ADAM12: variants seen among roughly 807,000 people sequenced by gnomAD.
ADAM12 encodes the protein disintegrin and metalloproteinase domain-containing protein 12.
Under a neutral mutation model 106.4 loss-of-function variants are expected in ADAM12, and 70 were observed. The ratio of observed to expected loss-of-function variants is 0.66; its 90% CI spans 0.54 to 0.80. The LOEUF (loss-of-function observed/expected upper bound fraction) is 0.80. ADAM12 is among the 30% of genes least tolerant of loss of function. ADAM12 has a pLI of 0.00. For missense variants in ADAM12, 1,010 were observed against 1,171.9 expected, an observed-to-expected ratio of 0.86 and a Z score of 2.02; for synonymous variants, 420 against 433.5, an observed-to-expected ratio of 0.97 and a Z score of 0.39.
intron 3 of ADAM12, among the ~76,000 whole-genome samples, chr10:126,268,047 A>G: frequency 6.6e-6 from 1 of 151,758 alleles, no homozygotes; most frequent in Non-Finnish European, 1.5e-5. Flanking sequence ...ATTTTGTACA[A>G]CCATCACTGA....
At chr10:126,226,643 T>C (rs1171571730) in intron 3 of ADAM12, among the ~76,000 whole-genome samples, 1 of 152,242 alleles carries the variant, frequency 6.6e-6, no homozygotes, top group Non-Finnish European at 1.5e-5. Context: ...TTCAAGTTTG[T>C]TGTGAAGGCT....
chr10:126,349,733 C>T (rs1292077217), intron 1 of ADAM12, among the ~76,000 whole-genome samples: 1 of 152,186 alleles, frequency 6.6e-6, no homozygotes, highest in Non-Finnish European at 1.5e-5. Flanking sequence ...CCCTTACAGC[C>T]TCAACAATCC....
chr10:126,309,548 C>T (rs939768494), intron 2 of ADAM12, among the ~76,000 whole-genome samples: 1 of 152,168 alleles, frequency 6.6e-6, no homozygotes, highest in African/African-American at 2.4e-5. Flanking sequence ...CTCAGCCAGA[C>T]TTCATTCCAA....
chr10:126,208,341 C>T (rs1463316941), intron 3 of ADAM12, among the ~76,000 whole-genome samples: 1 of 152,040 alleles, frequency 6.6e-6, no homozygotes. Context: ...CAGTGCAGCC[C>T]CCAGCAACAA....
intron 4 of ADAM12, among the ~76,000 whole-genome samples, chr10:126,151,537 C>A (rs1431745882): frequency 6.6e-6 from 1 of 152,074 alleles, no homozygotes; most frequent in African/African-American, 2.4e-5. Context: ...GCAACTACGT[C>A]CATAATTGAA....
chr10:126,100,478 C>T lies in ADAM12; in HGVS notation c.911+594G>A, dbSNP rs867510621. The stretch of plus-strand genomic sequence containing the variant: ...CAGCACTTTGGGAGGCCGAGGTGGG[C>T]GGATCATGAGGTCAGGAGATTGAGA... On this transcript the variant is annotated intron_variant, in intron 9 of 22. Coordinates refer to ENST00000448723, the MANE Select transcript of ADAM12 (RefSeq NM_001288973.2). Among the ~76,000 whole-genome samples the T allele has an allele frequency of 4.5e-3, 666 of 148,586 alleles. 2 individuals carry two copies. Among genetic ancestry groups the T allele is most frequent in the African/African-American group, 0.016 (623 of 40,002 alleles).
chr10:126,119,147 C>A (rs1164685634), intron 5 of ADAM12, among the ~76,000 whole-genome samples: 1 of 152,138 alleles, frequency 6.6e-6, no homozygotes, highest in Non-Finnish European at 1.5e-5. Flanking sequence ...TGAGGTCCGG[C>A]CTCTGGATCC....
In ADAM12 at chr10:126,071,521, T is replaced by C. The variant is rs1239206324; in HGVS notation, c.1279A>G (p.Arg427Gly). The C allele has an allele frequency of 1.9e-6, 3 of 1,614,026 alleles. No individual in the cohort carries two copies. Among genetic ancestry groups the C allele is most frequent in the Non-Finnish European group, 2.5e-6 (3 of 1,180,034 alleles). ...ESFGGQKCGN[R>G]FVEEGEECDC... ...CACTCCTCTCCTTCTTCCACAAATC[T>C]GTTCCCACACTTCTGGCCCCCGAAA... Residue 427 changes from arginine (R) to glycine (G), a missense_variant, in exon 12 of 23, where the codon AGA becomes GGA. This residue lies in a region of ADAM12 where 615 missense variants were observed against 708.5 expected (regional missense o/e 0.87). Transcript: ENST00000448723.
intron 3 of ADAM12, among the ~76,000 whole-genome samples, chr10:126,186,110 C>T (rs1449318650): frequency 7.2e-5 from 11 of 152,092 alleles, no homozygotes; most frequent in African/African-American, 2.2e-4. Flanking sequence ...CAAGGGTGCC[C>T]GTTAGCAGGA....
At chr10:126,232,202 G>A (rs560941430) in intron 3 of ADAM12, among the ~76,000 whole-genome samples, 2 of 152,136 alleles carry the variant, frequency 1.3e-5, no homozygotes, top group Admixed American at 1.3e-4. Flanking sequence ...TGGGCCCAAC[G>A]TAACCACAAA....
intron 2 of ADAM12, among the ~76,000 whole-genome samples, chr10:126,300,968 C>T (rs1330986860): frequency 6.6e-6 from 1 of 152,176 alleles, no homozygotes; most frequent in African/African-American, 2.4e-5. Context: ...TAAGCAACGA[C>T]TTAAATAGGT....
At chr10:126,365,291 C>T (rs1482904604) in intron 1 of ADAM12, among the ~76,000 whole-genome samples, 1 of 152,124 alleles carries the variant, frequency 6.6e-6, no homozygotes. Flanking sequence ...GTTTAATAGA[C>T]TCCTAAGACC....
intron 3 of ADAM12, among the ~76,000 whole-genome samples, chr10:126,220,619 G>A (rs1958072613): frequency 6.6e-6 from 1 of 152,172 alleles, no homozygotes; most frequent in Admixed American, 6.5e-5. Context: ...AGGTTTCAAT[G>A]GGCATCCCAT....
At chr10:126,156,524 C>T (rs1451153831) in intron 3 of ADAM12, among the ~76,000 whole-genome samples, 1 of 152,232 alleles carries the variant, frequency 6.6e-6, no homozygotes, top group Non-Finnish European at 1.5e-5. Flanking sequence ...CCCCCTCACA[C>T]CCTGAGGAGC....
intron 6 of ADAM12, among the ~76,000 whole-genome samples, chr10:126,113,946 C>T (rs1266493963): frequency 2.0e-5 from 3 of 151,682 alleles, no homozygotes; most frequent in Admixed American, 1.3e-4. Flanking sequence ...AAGTGTCCAT[C>T]GCCAGCAATA....
intron 3 of ADAM12, among the ~76,000 whole-genome samples, chr10:126,173,249 G>A (rs569927774): frequency 2.3e-4 from 35 of 152,154 alleles, no homozygotes; most frequent in Non-Finnish European, 4.9e-4. Context: ...AGAACTTAAA[G>A]TATAATAATA....
rs926005227 is a variant in ADAM12 at position 126,056,706 on chromosome 10, G to GT, written c.1610-7038dup. The stretch of plus-strand genomic sequence containing the variant: ...TATGAGTGAGAATATGCGGTGTTTG[G>GT]TTTTTTGTTCTTGCGATAGTTTACT... On this transcript the variant is annotated intron_variant, in intron 14 of 22. Coordinates refer to ENST00000448723, the MANE Select transcript of ADAM12 (RefSeq NM_001288973.2). 1.9e-3 allele frequency among the ~76,000 whole-genome samples: 64 copies of GT among 33,322 alleles called. 20 individuals are homozygous for GT. Among genetic ancestry groups the GT allele is most frequent in the Non-Finnish European group, 3.5e-3 (49 of 13,964 alleles). The allele number at this position is 33,322 out of a possible 152,430, so 21.9% of individuals were successfully genotyped here.
intron 11 of ADAM12, among the ~76,000 whole-genome samples, chr10:126,084,807 A>G (rs1278352): frequency 0.61 from 93,440 of 151,990 alleles, 28,945 homozygotes; most frequent in East Asian, 0.69. Flanking sequence ...ACAGGTACCC[A>G]GTGAAAGGCC....
intron 2 of ADAM12, among the ~76,000 whole-genome samples, chr10:126,291,374 C>A (rs527436119): frequency 6.6e-6 from 1 of 152,340 alleles, no homozygotes; most frequent in African/African-American, 2.4e-5. Context: ...CACAGAGGCA[C>A]CGCAAGTCAC....
Sources: allele counts gnomAD v4.1 joint callset (sites outside exome capture counted in the v4.1 genomes callset), GRCh38; gene constraint gnomAD v4.1.1; regional missense constraint gnomAD v4.1.1; transcripts MANE v1.5; gene names NCBI Gene and HGNC (gene_info 2026-07-23, HGNC 2026-07-21).